Variants in ARHGAP22 observed in about 807,000 individuals in gnomAD.
ARHGAP22 encodes the protein rho GTPase-activating protein 22.
A neutral mutation model predicts 59.1 loss-of-function variants in ARHGAP22; 48 were observed. That is an observed-to-expected ratio of 0.81 (90% CI 0.64 to 1.03). The LOEUF (loss-of-function observed/expected upper bound fraction) is 1.03, where lower values mean the gene tolerates loss of function less well. ARHGAP22 is among the 50% of genes least tolerant of loss of function. ARHGAP22 has a pLI of 0.00. For missense variants in ARHGAP22, 1,015 were observed against 958.7 expected, an observed-to-expected ratio of 1.06 and a Z score of -0.78; for synonymous variants, 445 against 416.4, an observed-to-expected ratio of 1.07 and a Z score of -0.84.
chr10:48,619,747 A>G (rs1215100348), intron 1 of ARHGAP22, among the ~76,000 whole-genome samples: 1 of 152,228 alleles, frequency 6.6e-6, no homozygotes, highest in Non-Finnish European at 1.5e-5. Flanking sequence ...TAAAACTACC[A>G]AAAGAAAACA....
chr10:48,508,149 A>C (rs2052353697), intron 3 of ARHGAP22, among the ~76,000 whole-genome samples: 1 of 152,160 alleles, frequency 6.6e-6, no homozygotes, highest in African/African-American at 2.4e-5. Flanking sequence ...TGAGAATCCC[A>C]AAACCACCTG....
chr10:48,600,736 A>T (rs1412029539), intron 1 of ARHGAP22, among the ~76,000 whole-genome samples: 4 of 152,170 alleles, frequency 2.6e-5, no homozygotes, highest in Admixed American at 6.5e-5. Context: ...CTGACAAGAG[A>T]CAGCTTGGTT....
chr10:48,608,976 T>C (rs2060778978), upstream of ARHGAP22, among the ~76,000 whole-genome samples: 1 of 152,246 alleles, frequency 6.6e-6, no homozygotes, highest in Non-Finnish European at 1.5e-5. Flanking sequence ...ACTGGGTTGC[T>C]GCCATGCATC....
chr10:48,534,662 T>C (rs926328083), intron 3 of ARHGAP22, among the ~76,000 whole-genome samples: 8 of 152,238 alleles, frequency 5.3e-5, no homozygotes, highest in African/African-American at 1.9e-4. Context: ...CATTAATCCC[T>C]GCAAGAACCC....
intron 3 of ARHGAP22, among the ~76,000 whole-genome samples, chr10:48,487,377 T>C (rs904049771): frequency 3.1e-4 from 47 of 152,342 alleles, no homozygotes; most frequent in African/African-American, 1.1e-3. Context: ...GAATTAAAGT[T>C]GCTAATCAGC....
intron 3 of ARHGAP22, among the ~76,000 whole-genome samples, chr10:48,529,291 T>C (rs2054607623): frequency 6.6e-6 from 1 of 152,182 alleles, no homozygotes; most frequent in Non-Finnish European, 1.5e-5. Context: ...CAGGGCAATG[T>C]GTTAGCTCAG....
intron 3 of ARHGAP22, among the ~76,000 whole-genome samples, chr10:48,543,198 C>T (rs1224864165): frequency 1.3e-5 from 2 of 152,214 alleles, no homozygotes; most frequent in African/African-American, 4.8e-5. Flanking sequence ...CAGCCCTTCA[C>T]ATCCATTTGT....
intron 3 of ARHGAP22, among the ~76,000 whole-genome samples, chr10:48,487,979 G>C (rs2050017130): frequency 6.6e-6 from 1 of 152,182 alleles, no homozygotes; most frequent in Non-Finnish European, 1.5e-5. Flanking sequence ...TCTGAGCCCA[G>C]GAGTTCCAAT....
intron 3 of ARHGAP22, among the ~76,000 whole-genome samples, chr10:48,502,207 G>T (rs926689064): frequency 6.6e-6 from 1 of 152,176 alleles, no homozygotes; most frequent in Admixed American, 6.5e-5. Context: ...CTCTCCCTAA[G>T]AATCTTCCTT....
At chr10:48,633,821 G>A (rs796790848) in intron 1 of ARHGAP22, among the ~76,000 whole-genome samples, 2 of 152,224 alleles carry the variant, frequency 1.3e-5, no homozygotes, top group African/African-American at 4.8e-5. Flanking sequence ...ATTCCACGGG[G>A]CTAAGAGGAG....
intron 3 of ARHGAP22, among the ~76,000 whole-genome samples, chr10:48,546,227 G>GTA (rs955156234): frequency 1.3e-5 from 2 of 152,212 alleles, no homozygotes; most frequent in African/African-American, 4.8e-5. Context: ...CATTGCCAGG[G>GTA]TAGGGGTGGG....
At chr10:48,475,338 T>A (rs2048609805) in intron 4 of ARHGAP22, among the ~76,000 whole-genome samples, 1 of 152,212 alleles carries the variant, frequency 6.6e-6, no homozygotes, top group South Asian at 2.1e-4. Flanking sequence ...TTCAGCCTTA[T>A]GACTTCAAAC....
intron 1 of ARHGAP22, among the ~76,000 whole-genome samples, chr10:48,584,481 G>T (rs2059302761): frequency 6.6e-6 from 1 of 152,192 alleles, no homozygotes; most frequent in Admixed American, 6.5e-5. Context: ...ACCAGGACAG[G>T]TGGCCCATGG....
At chr10:48,519,723 C>T (rs147886660) in intron 3 of ARHGAP22, among the ~76,000 whole-genome samples, 32 of 152,310 alleles carry the variant, frequency 2.1e-4, no homozygotes, top group Non-Finnish European at 4.0e-4. Flanking sequence ...TGCCCAGGCT[C>T]GACTGCCCTC....
At chr10:48,500,855 C>T (rs576748830) in intron 3 of ARHGAP22, among the ~76,000 whole-genome samples, 2 of 148,578 alleles carry the variant, frequency 1.3e-5, no homozygotes, top group South Asian at 4.3e-4. Context: ...GACGCCACTG[C>T]ACTCCATCCT....
At chr10:48,535,865 G>A (rs1564836050) in intron 3 of ARHGAP22, among the ~76,000 whole-genome samples, 1 of 152,222 alleles carries the variant, frequency 6.6e-6, no homozygotes, top group Non-Finnish European at 1.5e-5. Context: ...AATGGCACAT[G>A]GCAAATGCCC....
intron 3 of ARHGAP22, among the ~76,000 whole-genome samples, chr10:48,489,028 T>C (rs535200753): frequency 3.3e-4 from 51 of 152,352 alleles, no homozygotes; most frequent in African/African-American, 1.2e-3. Context: ...TTCCCATCTC[T>C]TGGGGGTCAT....
rs1038402075 is a variant in ARHGAP22 at position 48,483,071 on chromosome 10, G to A, written c.323-3307C>T. Among the ~76,000 whole-genome samples, 3 of 152,090 alleles carry A rather than the reference G, an allele frequency of 2.0e-5. No individual in the cohort carries two copies. The South Asian group carries it at 6.2e-4, about 32-fold the overall frequency. ...ATGCCTAGCTTATTTCACTTAATATGCTGGTTCCATTCATTGCTGCAAATG... is the reference window on the plus strand; with the variant it reads ...ATGCCTAGCTTATTTCACTTAATATACTGGTTCCATTCATTGCTGCAAATG... On this transcript the variant is annotated intron_variant, in intron 3 of 9. Coordinates refer to ENST00000249601, the MANE Select transcript of ARHGAP22 (RefSeq NM_021226.4).
chr10:48,499,367 C>T (rs1008130177), intron 3 of ARHGAP22, among the ~76,000 whole-genome samples: 15 of 152,234 alleles, frequency 9.9e-5, no homozygotes, highest in African/African-American at 2.4e-4. Context: ...TGCACACTGG[C>T]GGCCTGCAGC....
Sources: allele counts gnomAD v4.1 joint callset (sites outside exome capture counted in the v4.1 genomes callset), GRCh38; gene constraint gnomAD v4.1.1; transcripts MANE v1.5; gene names NCBI Gene and HGNC (gene_info 2026-07-23, HGNC 2026-07-21).